Variants in GALNT18 observed in about 807,000 individuals in gnomAD.
The protein encoded by GALNT18 is polypeptide N-acetylgalactosaminyltransferase 18, also known as GalNAc-transferase 18.
A neutral mutation model predicts 69.5 loss-of-function variants in GALNT18; 44 were observed. The ratio of observed to expected loss-of-function variants is 0.63; its 90% CI spans 0.50 to 0.81. GALNT18 has a LOEUF of 0.81. GALNT18 is among the 40% of genes least tolerant of loss of function. GALNT18 has a pLI of 0.00. For synonymous variants in GALNT18, 364 were observed against 318.2 expected (o/e 1.14, Z -1.53); for missense variants, 715 against 810.0 (o/e 0.88, Z 1.42).
chr11:11,561,267 G>A (rs1206614012), intron 1 of GALNT18, among the ~76,000 whole-genome samples: 1 of 152,050 alleles, frequency 6.6e-6, no homozygotes, highest in African/African-American at 2.4e-5. Context: ...AGAAATCCAG[G>A]AGGCCTTTCC....
At chr11:11,556,592 G>A (rs1472425209) in intron 1 of GALNT18, among the ~76,000 whole-genome samples, 1 of 152,240 alleles carries the variant, frequency 6.6e-6, no homozygotes, top group Non-Finnish European at 1.5e-5. Context: ...TGCAAATGAA[G>A]TTGTGCCATG....
At position 11,389,067 on chromosome 11, in the gene GALNT18, T is replaced by C. The variant is rs1854120553; in HGVS notation, c.596-9803A>G. 6.6e-6 allele frequency among the ~76,000 whole-genome samples: 1 copy of C among 152,176 alleles called. No individual in the cohort carries two copies. Among genetic ancestry groups the C allele is most frequent in the South Asian group, 2.1e-4 (1 of 4,824 alleles). ...TCACAGAGCTAGAAGATGGCAGAGC[T>C]GAAAAGCAAACCCAGGCAACCTGAA... On this transcript the variant is annotated intron_variant, in intron 3 of 10. Transcript: ENST00000227756. This position sits in a 1 kb window ranked among gnomAD's most constrained non-coding sequence, Gnocchi z 4.3.
At chr11:11,306,527 G>A (rs894593522) in intron 9 of GALNT18, among the ~76,000 whole-genome samples, 3 of 152,280 alleles carry the variant, frequency 2.0e-5, no homozygotes, top group African/African-American at 7.2e-5. Flanking sequence ...AATATAACCT[G>A]CTTTCCTCCA....
chr11:11,424,824 G>C (rs1253649689), intron 3 of GALNT18, among the ~76,000 whole-genome samples: 2 of 152,208 alleles, frequency 1.3e-5, no homozygotes, highest in African/African-American at 4.8e-5. Flanking sequence ...GAAGTCTGGA[G>C]CTAAGCAAAG....
intron 3 of GALNT18, among the ~76,000 whole-genome samples, chr11:11,381,016 C>A (rs1853903023): frequency 6.6e-6 from 1 of 152,220 alleles, no homozygotes; most frequent in Non-Finnish European, 1.5e-5. Flanking sequence ...TGGGCTGCCA[C>A]TGACATGCTG....
intron 8 of GALNT18, among the ~76,000 whole-genome samples, chr11:11,329,397 T>A (rs1744743698): frequency 6.6e-6 from 1 of 152,188 alleles, no homozygotes; most frequent in African/African-American, 2.4e-5. Flanking sequence ...CTTTTAAGGA[T>A]GAAGGAACTG....
At chr11:11,503,195 C>G (rs1857007448) in intron 1 of GALNT18, among the ~76,000 whole-genome samples, 1 of 152,130 alleles carries the variant, frequency 6.6e-6, no homozygotes, top group Non-Finnish European at 1.5e-5. Context: ...AGGTAATATG[C>G]TTTAGGAGGA....
At chr11:11,485,387 C>A (rs185594868) in intron 1 of GALNT18, among the ~76,000 whole-genome samples, 18 of 152,254 alleles carry the variant, frequency 1.2e-4, no homozygotes, top group Non-Finnish European at 4.4e-5. Context: ...GGGTGGCTCA[C>A]AGAACTCAGG....
At position 11,426,776 on chromosome 11, in the gene GALNT18, G is replaced by A. The variant is rs192713632; in HGVS notation, c.595+5845C>T. Among the ~76,000 whole-genome samples the A allele has an allele frequency of 2.3e-3, 352 of 152,248 alleles. 1 individual carries two copies. Among genetic ancestry groups the A allele is most frequent in the Non-Finnish European group, 2.9e-3 (199 of 68,024 alleles). ...AGTGATTCACTGACCTCCCTAGTGG[G>A]AAGGAGGCATTTGAGTAAAGGCCTA... On this transcript the variant is annotated intron_variant, in intron 3 of 10. Coordinates refer to ENST00000227756, the MANE Select transcript of GALNT18 (RefSeq NM_198516.3).
intron 1 of GALNT18, among the ~76,000 whole-genome samples, chr11:11,531,544 A>C (rs370066929): frequency 2.0e-5 from 3 of 152,218 alleles, no homozygotes; most frequent in African/African-American, 7.2e-5. Context: ...CTCCTCAGTA[A>C]GGCTCAGCCA....
chr11:11,417,244 G>C (rs531822279), intron 3 of GALNT18, among the ~76,000 whole-genome samples: 2 of 152,324 alleles, frequency 1.3e-5, no homozygotes, highest in Admixed American at 6.5e-5. Context: ...TATAGCCAAC[G>C]ATGATGCCCT....
At chr11:11,498,068 A>C (rs1179278382) in intron 1 of GALNT18, among the ~76,000 whole-genome samples, 2 of 152,200 alleles carry the variant, frequency 1.3e-5, no homozygotes, top group Non-Finnish European at 2.9e-5. Context: ...AAGGAATTTA[A>C]ACTCATATGT....
chr11:11,561,729 G>C (rs941974251), intron 1 of GALNT18, among the ~76,000 whole-genome samples: 3 of 152,222 alleles, frequency 2.0e-5, no homozygotes, highest in African/African-American at 7.2e-5. Flanking sequence ...CAGGGAAACA[G>C]GTCCTGCTTC....
chr11:11,522,666 T>C (rs1056829259), intron 1 of GALNT18, among the ~76,000 whole-genome samples: 1 of 152,124 alleles, frequency 6.6e-6, no homozygotes, highest in Non-Finnish European at 1.5e-5. Flanking sequence ...GTGACTGGAT[T>C]TTTTTCTGGA....
rs536519610 is a variant in GALNT18 at position 11,465,960 on chromosome 11, G to A, written c.236-17024C>T. On this transcript the variant is annotated intron_variant, in intron 1 of 10. Coordinates refer to ENST00000227756, the MANE Select transcript of GALNT18 (RefSeq NM_198516.3). The surrounding 1 kb of genome is among the most constrained non-coding windows in gnomAD (Gnocchi z 5.7). ...CAGATGTGGATGTGAGCCAAAGTCA[G>A]GGCCCAAAGGAACCACAGGAGGCAT... is the stretch of plus-strand genomic sequence containing the variant. 1.3e-5 allele frequency among the ~76,000 whole-genome samples: 2 copies of A among 152,288 alleles called. No individual in the cohort carries two copies. The highest frequency in any genetic ancestry group is 4.1e-4 in the South Asian group (2 of 4,828).
chr11:11,353,731 G>C (rs923594634), intron 6 of GALNT18, among the ~76,000 whole-genome samples: 2 of 152,112 alleles, frequency 1.3e-5, no homozygotes, highest in African/African-American at 4.8e-5. Context: ...GCCCAAAGAA[G>C]GACTCTTTAA....
At chr11:11,280,593 T>C (rs2132984449) in intron 10 of GALNT18, among the ~76,000 whole-genome samples, 2 of 152,306 alleles carry the variant, frequency 1.3e-5, no homozygotes, top group East Asian at 3.9e-4. Flanking sequence ...TCCCAGTTTT[T>C]CCCAGCATTT....
chr11:11,532,961 T>G (rs1857688261), intron 1 of GALNT18, among the ~76,000 whole-genome samples: 5 of 152,228 alleles, frequency 3.3e-5, no homozygotes, highest in African/African-American at 1.2e-4. Flanking sequence ...GCCATAATAA[T>G]AATTACTGTC....
At position 11,494,105 on chromosome 11, in the gene GALNT18, C is replaced by T. The variant is rs1292219240; in HGVS notation, c.236-45169G>A. Among the ~76,000 whole-genome samples, 1 of 152,182 alleles carries T rather than the reference C, an allele frequency of 6.6e-6. No individual in the cohort carries two copies. The highest frequency in any genetic ancestry group is 1.5e-5 in the Non-Finnish European group (1 of 68,042). ...GAAGCCATGCATATAAAGAACTTAG[C>T]ACAGTACCTTGCATATAGGAAATCT... On this transcript the variant is annotated intron_variant, in intron 1 of 10. Transcript: ENST00000227756. The surrounding 1 kb of genome is among the most constrained non-coding windows in gnomAD (Gnocchi z 5.7).
Sources: gnomAD v4.1 joint callset for allele counts (sites outside exome capture counted in the v4.1 genomes callset) on GRCh38, gnomAD v4.1.1 for gene constraint, Gnocchi (gnomAD v3.1) non-coding constraint, MANE v1.5 for transcripts, NCBI Gene and HGNC (gene_info 2026-07-23, HGNC 2026-07-21) for gene names.